Variants in RGS7 observed in about 807,000 individuals in gnomAD.
The protein encoded by RGS7 is regulator of G protein signaling 7, also known as regulator of G-protein signaling 7.
A neutral mutation model predicts 81.1 loss-of-function variants in RGS7; 27 were observed. That is an observed-to-expected ratio of 0.33 (90% CI 0.25 to 0.46). The LOEUF (loss-of-function observed/expected upper bound fraction) is 0.46, where lower values mean the gene tolerates loss of function less well. Ranked by LOEUF, RGS7 falls within the 20% of genes least tolerant of loss-of-function variation. RGS7 has a pLI of 1.00. For synonymous variants in RGS7, 208 were observed against 207.7 expected, an observed-to-expected ratio of 1.00 and a Z score of -0.01; for missense variants, 396 against 607.4, an observed-to-expected ratio of 0.65 and a Z score of 3.66.
At chr1:241,238,400 C>A (rs1236433392) in intron 2 of RGS7, among the ~76,000 whole-genome samples, 1 of 152,110 alleles carries the variant, frequency 6.6e-6, no homozygotes, top group Non-Finnish European at 1.5e-5. Flanking sequence ...TAACCGAGGA[C>A]CAACTATTTA....
chr1:240,795,460 T>C (rs1686885919), intron 18 of RGS7, among the ~76,000 whole-genome samples: 1 of 152,188 alleles, frequency 6.6e-6, no homozygotes, highest in Non-Finnish European at 1.5e-5. Context: ...CTCTAGTGTA[T>C]GCTCTTGCAT....
intron 2 of RGS7, among the ~76,000 whole-genome samples, chr1:241,145,819 A>G (rs1048876086): frequency 2.6e-5 from 4 of 152,224 alleles, no homozygotes; most frequent in Non-Finnish European, 5.9e-5. Flanking sequence ...TCTTACTCCC[A>G]GTTTAATGAA....
At chr1:240,930,688 A>G (rs754798011) in intron 6 of RGS7, 29 bp downstream of exon 6, 2 of 1,605,712 alleles carry the variant, frequency 1.2e-6, no homozygotes, top group South Asian at 1.1e-5. Flanking sequence ...CAGGCTGTCA[A>G]TAATAAAATA....
intron 3 of RGS7, chr1:240,998,812 G>C (rs956195504): frequency 6.4e-6 from 4 of 627,512 alleles, no homozygotes; most frequent in Non-Finnish European, 1.2e-5. Context: ...GTGAGTGTGG[G>C]GCTGGCGCTG....
intron 18 of RGS7, among the ~76,000 whole-genome samples, chr1:240,789,603 A>G (rs774439821): frequency 5.3e-5 from 8 of 152,298 alleles, no homozygotes; most frequent in Middle Eastern, 3.4e-3. Flanking sequence ...TTACGGTCGT[A>G]GCTGTGGGAT....
chr1:241,082,188 A>T (rs1013964283), intron 3 of RGS7, among the ~76,000 whole-genome samples: 2 of 152,198 alleles, frequency 1.3e-5, no homozygotes, highest in African/African-American at 4.8e-5. Context: ...TAATTATTGT[A>T]ATTCCCTTGA....
At chr1:241,283,620 G>C (rs1354904939) in intron 2 of RGS7, among the ~76,000 whole-genome samples, 1 of 151,938 alleles carries the variant, frequency 6.6e-6, no homozygotes, top group African/African-American at 2.4e-5. Context: ...GGTTTCTTCT[G>C]TGTGAAGTTC....
At chr1:241,063,037 T>C (rs545327826) in intron 3 of RGS7, among the ~76,000 whole-genome samples, 41 of 152,196 alleles carry the variant, frequency 2.7e-4, no homozygotes, top group African/African-American at 9.4e-4. Context: ...TTGTGTAGTC[T>C]GAGGTGTTCA....
chr1:241,162,411 C>A (rs944071557), intron 2 of RGS7, among the ~76,000 whole-genome samples: 4 of 152,198 alleles, frequency 2.6e-5, no homozygotes, highest in African/African-American at 7.2e-5. Flanking sequence ...CAAGTGCTGA[C>A]AGGCCACTGT....
rs1245884682 is a variant in RGS7 at position 241,336,823 on chromosome 1, T to TAA, written c.78+18874_78+18875dup. ...ATGTAACTTATCACAGTTATCACAA[T>TAA]AATCCTCTGGAATAGGATATTCCTG... is the stretch of plus-strand genomic sequence containing the variant. On this transcript the variant is annotated intron_variant, in intron 2 of 18. Transcript: ENST00000440928. Among the ~76,000 whole-genome samples, 4 of 152,320 alleles carry TAA rather than the reference T, an allele frequency of 2.6e-5. No homozygotes were observed. In the East Asian group the frequency reaches 7.7e-4, roughly 29 times the overall value.
Position 241,048,880 on chromosome 1 carries a change from T to A in RGS7, c.175+49786A>T, listed in dbSNP as rs1275219929. 2.0e-5 allele frequency among the ~76,000 whole-genome samples: 3 copies of A among 152,324 alleles called. No individual in the cohort carries two copies. In the East Asian group the frequency reaches 5.8e-4, roughly 29 times the overall value. The stretch of plus-strand genomic sequence containing the variant: ...GATGTGTTAACGGGACCACACTGCC[T>A]CTGAAATCTGCAAGGGCGATCTCCC... On this transcript the variant is annotated intron_variant, in intron 3 of 18. Transcript: ENST00000440928.
chr1:240,837,182 T>C (rs1243086190), intron 9 of RGS7, among the ~76,000 whole-genome samples: 1 of 152,164 alleles, frequency 6.6e-6, no homozygotes, highest in Non-Finnish European at 1.5e-5. Flanking sequence ...GAAGCTAAGT[T>C]GTCATAATTA....
intron 9 of RGS7, among the ~76,000 whole-genome samples, chr1:240,829,624 A>G (rs1693464284): frequency 1.3e-5 from 2 of 152,106 alleles, no homozygotes; most frequent in African/African-American, 4.8e-5. Context: ...TTAAACTCCT[A>G]TCAACATATC....
intron 9 of RGS7, among the ~76,000 whole-genome samples, chr1:240,850,006 C>G (rs1395756557): frequency 6.6e-6 from 1 of 152,184 alleles, no homozygotes; most frequent in Non-Finnish European, 1.5e-5. Flanking sequence ...AGTATGGGTC[C>G]TGGGACCAGA....
At chr1:240,777,369 T>C (rs1312616098) in intron 18 of RGS7, among the ~76,000 whole-genome samples, 1 of 152,256 alleles carries the variant, frequency 6.6e-6, no homozygotes, top group African/African-American at 2.4e-5. Flanking sequence ...TGTTCTATTA[T>C]AAAATTATGT....
chr1:240,953,325 G>C (rs1303549070), intron 4 of RGS7, among the ~76,000 whole-genome samples: 9 of 151,804 alleles, frequency 5.9e-5, no homozygotes, highest in Admixed American at 5.9e-4. Context: ...TATTCATCAA[G>C]ATCAAACACA....
chr1:241,250,449 C>T (rs2076773179), intron 2 of RGS7, among the ~76,000 whole-genome samples: 1 of 151,932 alleles, frequency 6.6e-6, no homozygotes, highest in Admixed American at 6.6e-5. Flanking sequence ...CCAATGTAAA[C>T]CTGTTAATAT....
intron 2 of RGS7, among the ~76,000 whole-genome samples, chr1:241,257,077 T>C (rs2077090046): frequency 6.6e-6 from 1 of 152,104 alleles, no homozygotes; most frequent in Non-Finnish European, 1.5e-5. Context: ...ACACATTGCT[T>C]TTCTAAGACT....
chr1:241,027,312 TCTGTAATAAGATC>T (rs1443505191), intron 3 of RGS7, among the ~76,000 whole-genome samples: 21 of 151,974 alleles, frequency 1.4e-4, no homozygotes, highest in African/African-American at 4.6e-4. Flanking sequence ...GAGCAGAGAT[TCTGTAATAAGATC>T]CTGTAATAAG....
Sources: gnomAD v4.1 joint callset for allele counts (sites outside exome capture counted in the v4.1 genomes callset) on GRCh38, gnomAD v4.1.1 for gene constraint, MANE v1.5 for transcripts, NCBI Gene and HGNC (gene_info 2026-07-23, HGNC 2026-07-21) for gene names.